CNTNAP2: variants seen among roughly 807,000 people sequenced by gnomAD.
CNTNAP2 encodes the protein contactin associated protein 2.
Under a neutral mutation model 155.2 loss-of-function variants are expected in CNTNAP2, and 98 were observed. The ratio of observed to expected loss-of-function variants is 0.63; its 90% CI spans 0.54 to 0.75. The LOEUF is 0.75. CNTNAP2 is among the 30% of genes least tolerant of loss of function. The probability of loss-of-function intolerance (pLI) is 0.00; values close to 1 mark genes in which losing one functional copy is unlikely to be tolerated. For synonymous variants in CNTNAP2, 651 were observed against 631.2 expected (o/e 1.03, Z -0.47); for missense variants, 1,727 against 1,688.1 (o/e 1.02, Z -0.40).
intron 15 of CNTNAP2, among the ~76,000 whole-genome samples, chr7:148,031,499 A>G (rs920186839): frequency 1.3e-5 from 2 of 152,352 alleles, no homozygotes; most frequent in African/African-American, 2.4e-5. Context: ...CACCTTACAC[A>G]TACTTTAAAC....
chr7:146,437,818 A>G (rs1436378662), intron 1 of CNTNAP2, among the ~76,000 whole-genome samples: 1 of 151,310 alleles, frequency 6.6e-6, no homozygotes, highest in African/African-American at 2.5e-5. Context: ...AAAAAATGTG[A>G]TCAAAAGTGA....
At chr7:146,239,065 A>G (rs1290497129) in intron 1 of CNTNAP2, among the ~76,000 whole-genome samples, 1 of 152,172 alleles carries the variant, frequency 6.6e-6, no homozygotes, top group African/African-American at 2.4e-5. Flanking sequence ...TCTCTAGGAA[A>G]ATGTTGTAGT....
chr7:147,301,097 A>T (rs1477509420), intron 9 of CNTNAP2, among the ~76,000 whole-genome samples: 2 of 152,186 alleles, frequency 1.3e-5, no homozygotes, highest in Non-Finnish European at 2.9e-5. Flanking sequence ...CAAGGGCATG[A>T]TTATAAAGAG....
intron 15 of CNTNAP2, among the ~76,000 whole-genome samples, chr7:148,061,617 A>T (rs1362232160): frequency 6.6e-6 from 1 of 151,882 alleles, no homozygotes; most frequent in Admixed American, 6.6e-5. Flanking sequence ...GCCCTCCCAA[A>T]ATACTGTGAT....
Position 146,720,954 on chromosome 7 carries a change from A to G in CNTNAP2, c.98-53317A>G, listed in dbSNP as rs1425760740. Among the ~76,000 whole-genome samples the G allele has an allele frequency of 4.7e-5, 6 of 128,276 alleles. No homozygotes were observed. The South Asian group carries it at 6.9e-4, about 15-fold the overall frequency. 84.2% of individuals were successfully genotyped at this position (128,276 alleles called of 152,430 possible). A position where few individuals can be genotyped will look rare whatever the true frequency, so the allele number is the denominator to read the frequency against. On this transcript the variant is annotated intron_variant, in intron 1 of 23. Coordinates refer to ENST00000361727, the MANE Select transcript of CNTNAP2 (RefSeq NM_014141.6). ...TATATATACTTTCTCTATATATTCT[A>G]TATATATACAGTATATATATAGACT...
At chr7:146,494,202 C>T (rs1274894575) in intron 1 of CNTNAP2, among the ~76,000 whole-genome samples, 9 of 151,744 alleles carry the variant, frequency 5.9e-5, no homozygotes, top group Admixed American at 1.3e-4. Flanking sequence ...GGCATGGTGG[C>T]GGGCACCTGT....
At chr7:147,007,213 A>C (rs761558098) in intron 3 of CNTNAP2, among the ~76,000 whole-genome samples, 1 of 152,130 alleles carries the variant, frequency 6.6e-6, no homozygotes, top group Non-Finnish European at 1.5e-5. Context: ...TCCCTATTGA[A>C]GTGATTTTTC....
chr7:148,213,278 G>T (rs1279302696), intron 18 of CNTNAP2, among the ~76,000 whole-genome samples: 1 of 152,206 alleles, frequency 6.6e-6, no homozygotes, highest in Non-Finnish European at 1.5e-5. Flanking sequence ...TCCCAGGAAA[G>T]TGGTCACAGA....
At chr7:147,016,732 TA>T (rs1239969567) in intron 3 of CNTNAP2, among the ~76,000 whole-genome samples, 1 of 152,044 alleles carries the variant, frequency 6.6e-6, no homozygotes, top group Non-Finnish European at 1.5e-5. Context: ...CTTAGGTGAA[TA>T]AGGCACAAAA....
chr7:146,874,006 T>G (rs1795369610), intron 3 of CNTNAP2, among the ~76,000 whole-genome samples: 1 of 152,110 alleles, frequency 6.6e-6, no homozygotes, highest in South Asian at 2.1e-4. Context: ...AATGCTAAAA[T>G]GTCACACATT....
intron 8 of CNTNAP2, among the ~76,000 whole-genome samples, chr7:147,270,029 T>G (rs112103599): frequency 0.015 from 2,260 of 152,222 alleles, 66 homozygotes; most frequent in African/African-American, 0.052. Context: ...GCCACTGCAC[T>G]CCAGCCTGGG....
chr7:146,928,698 C>T (rs1171236252), intron 3 of CNTNAP2, among the ~76,000 whole-genome samples: 3 of 152,214 alleles, frequency 2.0e-5, no homozygotes, highest in Non-Finnish European at 2.9e-5. Flanking sequence ...AAAGGGGTGA[C>T]AGAAGGCATC....
Position 147,830,176 on chromosome 7 carries a change from A to G in CNTNAP2, c.2099-73389A>G, listed in dbSNP as rs78860665. On this transcript the variant is annotated intron_variant, in intron 13 of 23. Transcript: ENST00000361727. ...TCGGGTTGCTATTAAAAAAAAAAAA[A>G]AAACATAAACTAGGTGGCTTATAAA... 5.3e-5 allele frequency among the ~76,000 whole-genome samples: 8 copies of G among 152,058 alleles called. No homozygotes were observed. In the South Asian group the frequency reaches 1.5e-3, roughly 28 times the overall value.
intron 10 of CNTNAP2, among the ~76,000 whole-genome samples, chr7:147,445,174 C>T (rs898680059): frequency 1.9e-4 from 29 of 152,128 alleles, no homozygotes; most frequent in African/African-American, 6.3e-4. Flanking sequence ...GATGACTAGC[C>T]GAATGTTAAC....
intron 1 of CNTNAP2, among the ~76,000 whole-genome samples, chr7:146,402,561 C>T (rs1795729305): frequency 6.6e-6 from 1 of 152,020 alleles, no homozygotes; most frequent in African/African-American, 2.4e-5. Context: ...TTATATCTAC[C>T]TGCCAAAAAG....
chr7:147,111,756 T>C (rs2129280463), intron 5 of CNTNAP2, among the ~76,000 whole-genome samples: 1 of 152,352 alleles, frequency 6.6e-6, no homozygotes, highest in African/African-American at 2.4e-5. Context: ...CCATGCTGTT[T>C]TGGTTACAGT....
At chr7:147,473,619 C>A (rs1278186324) in intron 10 of CNTNAP2, among the ~76,000 whole-genome samples, 1 of 152,104 alleles carries the variant, frequency 6.6e-6, no homozygotes, top group East Asian at 1.9e-4. Context: ...GTTTTCCCTG[C>A]ACCTCAGGTC....
intron 1 of CNTNAP2, among the ~76,000 whole-genome samples, chr7:146,162,325 C>T (rs1039527315): frequency 8.5e-5 from 13 of 152,130 alleles, no homozygotes. Flanking sequence ...AATCAAACAA[C>T]CCCATCAAAA....
intron 16 of CNTNAP2, among the ~76,000 whole-genome samples, chr7:148,140,641 C>T (rs532823348): frequency 3.9e-5 from 6 of 152,044 alleles, no homozygotes; most frequent in African/African-American, 1.2e-4. Context: ...AGGCTGGTCT[C>T]GAACTCCTGA....
Sources: allele counts gnomAD v4.1 joint callset (sites outside exome capture counted in the v4.1 genomes callset), GRCh38; gene constraint gnomAD v4.1.1; transcripts MANE v1.5; gene names NCBI Gene and HGNC (gene_info 2026-07-23, HGNC 2026-07-21).